The following HUNK variants were observed in gnomAD, a reference collection of about 807,000 sequenced individuals.
The protein encoded by HUNK is hormonally up-regulated neu tumor-associated kinase.
Under a neutral mutation model 61.0 loss-of-function variants are expected in HUNK, and 21 were observed. The observed-to-expected ratio is 0.34, with a 90% confidence interval of 0.24 to 0.50. HUNK has a LOEUF of 0.50. Among genes scored for constraint, HUNK ranks in the 20% least tolerant of loss-of-function variants. The pLI, the probability that HUNK is intolerant of heterozygous loss-of-function variation, is 0.98. For missense variants in HUNK, 772 were observed against 945.7 expected, an observed-to-expected ratio of 0.82 and a Z score of 2.41; for synonymous variants, 371 against 386.1, an observed-to-expected ratio of 0.96 and a Z score of 0.46.
rs143277642 is a variant in HUNK at position 31,891,795 on chromosome 21, A to T, written c.261+17860A>T. 1.1e-4 allele frequency among the ~76,000 whole-genome samples: 16 copies of T among 152,280 alleles called. 1 individual carries two copies. The East Asian group carries it at 2.9e-3, about 28-fold the overall frequency. ...TGTCTAACCAATCCAGTAGTCTTTT[A>T]TCTTTAGTTTTCTCTTATTGCTTTT... On this transcript the variant is annotated intron_variant, in intron 1 of 10. Coordinates refer to ENST00000270112, the MANE Select transcript of HUNK (RefSeq NM_014586.2).
At chr21:31,876,027 G>C (rs2052259739) in intron 1 of HUNK, among the ~76,000 whole-genome samples, 2 of 152,138 alleles carry the variant, frequency 1.3e-5, no homozygotes, top group South Asian at 4.1e-4. Context: ...CGACATGCAG[G>C]GAATTCTTGC....
At chr21:31,884,421 A>G (rs545717133) in intron 1 of HUNK, among the ~76,000 whole-genome samples, 1 of 152,196 alleles carries the variant, frequency 6.6e-6, no homozygotes, top group South Asian at 2.1e-4. Flanking sequence ...GTGAAACCCC[A>G]TCTCTACTGA....
chr21:31,908,132 A>T (rs77444434), intron 1 of HUNK, among the ~76,000 whole-genome samples: 2,288 of 152,260 alleles, frequency 0.015, 52 homozygotes, highest in African/African-American at 0.053. Context: ...AAGAATGAAA[A>T]TTTTATTTGA....
chr21:31,932,596 C>T (rs1169023394), intron 2 of HUNK, among the ~76,000 whole-genome samples: 1 of 151,774 alleles, frequency 6.6e-6, no homozygotes, highest in Non-Finnish European at 1.5e-5. Context: ...AGTCTTCTCC[C>T]CTTAGGTCCT....
chr21:31,884,385 A>G (rs1245957572), intron 1 of HUNK, among the ~76,000 whole-genome samples: 1 of 152,136 alleles, frequency 6.6e-6, no homozygotes, highest in African/African-American at 2.4e-5. Flanking sequence ...TGAGGTCAGG[A>G]GCTTGACACC....
chr21:31,935,953 C>T (rs1006967468), intron 2 of HUNK, among the ~76,000 whole-genome samples: 10 of 152,108 alleles, frequency 6.6e-5, no homozygotes, highest in Non-Finnish European at 1.0e-4. Flanking sequence ...TGTGCCACCA[C>T]GCCTGGCTAA....
At chr21:31,985,020 T>C (rs1398340604) in intron 8 of HUNK, among the ~76,000 whole-genome samples, 1 of 152,092 alleles carries the variant, frequency 6.6e-6, no homozygotes, top group Non-Finnish European at 1.5e-5. Context: ...GTAGGGGAAC[T>C]CCCCTTAATA....
intron 1 of HUNK, among the ~76,000 whole-genome samples, chr21:31,897,483 G>A (rs1043733133): frequency 6.6e-6 from 1 of 152,150 alleles, no homozygotes; most frequent in Non-Finnish European, 1.5e-5. Context: ...CTCTGTGCAT[G>A]TCTGCCTCTT....
intron 4 of HUNK, among the ~76,000 whole-genome samples, chr21:31,955,872 G>C (rs1242681845): frequency 1.3e-5 from 2 of 152,222 alleles, no homozygotes; most frequent in Non-Finnish European, 2.9e-5. Flanking sequence ...AGGTGTGAAT[G>C]TTAGAGCCAA....
chr21:31,961,220 T>C (rs1323694750), intron 5 of HUNK, among the ~76,000 whole-genome samples: 1 of 149,934 alleles, frequency 6.7e-6, no homozygotes, highest in Non-Finnish European at 1.5e-5. Context: ...TCCCTTGAGA[T>C]AATCTGAGCT....
At position 31,948,934 on chromosome 21, in the gene HUNK, C is replaced by T. The variant is rs568427270; in HGVS notation, c.746+2763C>T. 2.6e-5 allele frequency among the ~76,000 whole-genome samples: 4 copies of T among 152,300 alleles called. No individual in the cohort carries two copies. In the South Asian group the frequency reaches 8.3e-4, roughly 32 times the overall value. On this transcript the variant is annotated intron_variant, in intron 4 of 10. Coordinates refer to ENST00000270112, the MANE Select transcript of HUNK (RefSeq NM_014586.2). ...TCTTCTGGAACCCTGGCTAAGAGGACCTGCTTGTCAGCGAGGAGGTGAAAC... is the reference window on the plus strand; with the variant it reads ...TCTTCTGGAACCCTGGCTAAGAGGATCTGCTTGTCAGCGAGGAGGTGAAAC...
At chr21:31,900,320 C>T (rs555352952) in intron 1 of HUNK, among the ~76,000 whole-genome samples, 5 of 152,128 alleles carry the variant, frequency 3.3e-5, no homozygotes, top group East Asian at 1.9e-4. Flanking sequence ...AGTTTCTCCC[C>T]GCTCTTTGTT....
At chr21:31,997,585 A>T (rs1247371685) in intron 10 of HUNK, among the ~76,000 whole-genome samples, 1 of 152,168 alleles carries the variant, frequency 6.6e-6, no homozygotes, top group Non-Finnish European at 1.5e-5. Flanking sequence ...GGTTTCAGAG[A>T]ATGGGGATGT....
At chr21:31,874,889 T>C (rs937476078) in intron 1 of HUNK, among the ~76,000 whole-genome samples, 1 of 152,160 alleles carries the variant, frequency 6.6e-6, no homozygotes, top group African/African-American at 2.4e-5. Flanking sequence ...AAGGTGTAAC[T>C]TAGAGCTGTG....
At chr21:31,968,953 A>G (rs1172920207) in intron 6 of HUNK, among the ~76,000 whole-genome samples, 1 of 151,440 alleles carries the variant, frequency 6.6e-6, no homozygotes, top group Non-Finnish European at 1.5e-5. Flanking sequence ...ATCTCAGATC[A>G]CTGCAACCTC....
chr21:31,968,903 T>C (rs2052990238), intron 6 of HUNK, among the ~76,000 whole-genome samples: 1 of 151,404 alleles, frequency 6.6e-6, no homozygotes, highest in Non-Finnish European at 1.5e-5. Context: ...TTTTAATACA[T>C]AGTCTGGCTC....
chr21:31,960,865 G>A (rs1190311495), intron 5 of HUNK, among the ~76,000 whole-genome samples: 1 of 152,118 alleles, frequency 6.6e-6, no homozygotes, highest in African/African-American at 2.4e-5. Context: ...TCCCCCAATA[G>A]TAATATATTG....
chr21:31,955,539 C>T (rs62221636), intron 4 of HUNK, among the ~76,000 whole-genome samples: 23,085 of 152,016 alleles, frequency 0.15, 2,099 homozygotes, highest in South Asian at 0.26. Context: ...TGCAGTGAGC[C>T]GAGATCGCGC....
At chr21:31,955,240 G>A (rs75757874) in intron 4 of HUNK, among the ~76,000 whole-genome samples, 3,555 of 149,512 alleles carry the variant, frequency 0.024, 133 homozygotes, top group African/African-American at 0.082. Flanking sequence ...TTCTCATTAG[G>A]CTATGACAAT....
Sources: allele counts gnomAD v4.1 joint callset (sites outside exome capture counted in the v4.1 genomes callset), GRCh38; gene constraint gnomAD v4.1.1; transcripts MANE v1.5; gene names NCBI Gene and HGNC (gene_info 2026-07-23, HGNC 2026-07-21).